SHANK2: variants seen among roughly 807,000 people sequenced by gnomAD.
SHANK2 encodes SH3 and multiple ankyrin repeat domains 2.
In SHANK2, 43 loss-of-function variants were observed where a neutral mutation model predicts 133.7. The ratio of observed to expected loss-of-function variants is 0.32; its 90% CI spans 0.25 to 0.41. The LOEUF (loss-of-function observed/expected upper bound fraction) is 0.41. Ranked by LOEUF, SHANK2 falls within the 10% of genes least tolerant of loss-of-function variation. SHANK2 has a pLI of 1.00. For missense variants in SHANK2, 1,994 were observed against 2,235.8 expected (o/e 0.89, Z 2.18); for synonymous variants, 1,017 against 952.8 (o/e 1.07, Z -1.24).
intron 2 of SHANK2, among the ~76,000 whole-genome samples, chr11:71,186,461 T>G (rs1953674724): frequency 6.6e-6 from 1 of 152,236 alleles, no homozygotes. Flanking sequence ...TCCCCCAACC[T>G]ATGGAGGTCC....
At chr11:71,241,162 C>CG (rs1462588162) in intron 1 of SHANK2, among the ~76,000 whole-genome samples, 3 of 152,152 alleles carry the variant, frequency 2.0e-5, no homozygotes, top group Non-Finnish European at 2.9e-5. Flanking sequence ...AGGAGGTACC[C>CG]GGGGAAGCCC....
rs141165329 is a variant in SHANK2 at position 70,493,866 on chromosome 11, G to A, written c.2309-1401C>T. On this transcript the variant is annotated intron_variant, in intron 21 of 25. Transcript: ENST00000601538. ...TATGCTAGGGCCTTGCCCAGACTTT[G>A]AGCCATGAGGCTATTGTGCAAGTTA... Among the ~76,000 whole-genome samples the A allele has an allele frequency of 3.9e-3, 600 of 152,318 alleles. 7 individuals carry two copies. Among genetic ancestry groups the A allele is most frequent in the African/African-American group, 0.014 (567 of 41,568 alleles).
chr11:70,831,987 A>G (rs895286903), intron 11 of SHANK2, among the ~76,000 whole-genome samples: 6 of 152,240 alleles, frequency 3.9e-5, no homozygotes, highest in African/African-American at 1.4e-4. Flanking sequence ...CTTACCCCAC[A>G]GGGTGGAGCC....
chr11:70,791,602 T>C (rs574283894), intron 14 of SHANK2, among the ~76,000 whole-genome samples: 1 of 152,358 alleles, frequency 6.6e-6, no homozygotes, highest in South Asian at 2.1e-4. Context: ...TACTCAGAGC[T>C]AGCCAGAGAC....
At position 71,246,980 on chromosome 11, in the gene SHANK2, T is replaced by A. The variant is rs955781022; in HGVS notation, c.-113+5445A>T. Among the ~76,000 whole-genome samples the A allele has an allele frequency of 2.0e-5, 3 of 152,234 alleles. No homozygotes were observed. In the East Asian group the frequency reaches 5.8e-4, roughly 29 times the overall value. On this transcript the variant is annotated intron_variant, in intron 1 of 25. Coordinates refer to ENST00000601538, the MANE Select transcript of SHANK2 (RefSeq NM_012309.5). ...TTTTTCAATTCAGAAGTAATTTTTT[T>A]AAATACTTAGCAACTCCAGGTCATG...
chr11:70,696,967 G>A (rs888093047), intron 15 of SHANK2, among the ~76,000 whole-genome samples: 6 of 152,196 alleles, frequency 3.9e-5, no homozygotes, highest in Admixed American at 2.6e-4. Context: ...GCTACAACAC[G>A]AATGAACCTT....
chr11:70,891,145 TC>T (rs1355046003), intron 11 of SHANK2, among the ~76,000 whole-genome samples: 4 of 152,076 alleles, frequency 2.6e-5, no homozygotes, highest in African/African-American at 9.7e-5. Flanking sequence ...GTATGCGGGC[TC>T]CTCTCTAGAC....
chr11:70,684,141 T>C (rs1032562759), intron 15 of SHANK2, among the ~76,000 whole-genome samples: 2 of 152,172 alleles, frequency 1.3e-5, no homozygotes, highest in Non-Finnish European at 2.9e-5. Flanking sequence ...CCTGGGTCCC[T>C]GTCCCTGCTA....
intron 2 of SHANK2, among the ~76,000 whole-genome samples, chr11:71,219,156 T>C (rs1555120620): frequency 1.3e-5 from 2 of 152,240 alleles, no homozygotes; most frequent in Non-Finnish European, 2.9e-5. Flanking sequence ...GGCATGGTTC[T>C]AGGCAATGCG....
At chr11:71,072,410 T>C (rs1170718002) in intron 9 of SHANK2, among the ~76,000 whole-genome samples, 1 of 152,222 alleles carries the variant, frequency 6.6e-6, no homozygotes, top group East Asian at 1.9e-4. Context: ...AGGGCAGGGC[T>C]CACATCCCAG....
intron 8 of SHANK2, among the ~76,000 whole-genome samples, chr11:71,076,764 G>A (rs1001712455): frequency 5.3e-5 from 8 of 152,238 alleles, no homozygotes; most frequent in Non-Finnish European, 1.2e-4. Flanking sequence ...CTCCTGCAGA[G>A]GCACAGGACA....
chr11:70,576,475 A>G (rs886863212), intron 17 of SHANK2, among the ~76,000 whole-genome samples: 1 of 152,010 alleles, frequency 6.6e-6, no homozygotes, highest in Non-Finnish European at 1.5e-5. Flanking sequence ...TCTACTAAAA[A>G]CAATACAAAA....
intron 1 of SHANK2, among the ~76,000 whole-genome samples, chr11:71,248,769 A>C (rs1339888886): frequency 6.6e-6 from 1 of 152,112 alleles, no homozygotes; most frequent in African/African-American, 2.4e-5. Flanking sequence ...ATGCAATCAA[A>C]CAACCCAGAC....
intron 3 of SHANK2, among the ~76,000 whole-genome samples, chr11:71,130,925 G>A (rs1952289792): frequency 6.6e-6 from 1 of 152,200 alleles, no homozygotes; most frequent in Admixed American, 6.5e-5. Flanking sequence ...CCAAGTTTCT[G>A]AGCACGTCAT....
At position 70,485,404 on chromosome 11, in the gene SHANK2, A is replaced by C. The variant is rs2058787147; in HGVS notation, c.4889T>G (p.Ile1630Ser). The C allele has an allele frequency of 1.9e-6, 3 of 1,614,038 alleles. No individual in the cohort carries two copies. Among genetic ancestry groups the C allele is most frequent in the Non-Finnish European group, 2.5e-6 (3 of 1,180,048 alleles). ...TTTCTCTCGGTTCATTTGCTGTAGG[A>C]TAGAGTTCAATTCACTAATAACGTT... is the stretch of plus-strand genomic sequence containing the variant. ...KANVISELNSILQQMNREKLA... is the reference protein window; with the variant it reads ...KANVISELNSSLQQMNREKLA... Residue 1630 changes from isoleucine to serine, a missense_variant, in exon 25 of 26, where the codon ATC becomes AGC. Around this residue, in one of 5 missense-constraint regions of SHANK2, gnomAD observed 797 missense variants for 907.4 expected, o/e 0.88. Coordinates refer to ENST00000601538, the MANE Select transcript of SHANK2 (RefSeq NM_012309.5). The surrounding 1 kb of genome is among the most constrained non-coding windows in gnomAD (Gnocchi z 5.8).
chr11:70,829,424 G>C (rs1269567166), intron 11 of SHANK2, among the ~76,000 whole-genome samples: 1 of 152,270 alleles, frequency 6.6e-6, no homozygotes, highest in Middle Eastern at 3.4e-3. Flanking sequence ...GCTGCCCAGG[G>C]AGAAGGGAAG....
chr11:71,066,847 C>G (rs1951069385), intron 9 of SHANK2, among the ~76,000 whole-genome samples: 1 of 152,122 alleles, frequency 6.6e-6, no homozygotes, highest in African/African-American at 2.4e-5. Flanking sequence ...AAGAGCTGTG[C>G]CTGTAAGTAA....
At chr11:70,576,669 C>T (rs1311055274) in intron 17 of SHANK2, among the ~76,000 whole-genome samples, 2 of 152,114 alleles carry the variant, frequency 1.3e-5, no homozygotes, top group African/African-American at 2.4e-5. Context: ...AAACCCCACA[C>T]TCCCAGGCCT....
intron 10 of SHANK2, chr11:70,907,622 T>A (rs1402695746): frequency 5.0e-6 from 1 of 198,492 alleles, no homozygotes. Context: ...ATCCATATAT[T>A]AAGGAGATGA....
Sources: allele counts gnomAD v4.1 joint callset (sites outside exome capture counted in the v4.1 genomes callset), GRCh38; gene constraint gnomAD v4.1.1; regional missense constraint gnomAD v4.1.1; non-coding constraint Gnocchi (gnomAD v3.1); transcripts MANE v1.5; gene names NCBI Gene and HGNC (gene_info 2026-07-23, HGNC 2026-07-21).